The following GPHN variants were observed in gnomAD, a reference collection of about 807,000 sequenced individuals.
GPHN encodes gephyrin.
A neutral mutation model predicts 95.5 loss-of-function variants in GPHN; 17 were observed. The ratio of observed to expected loss-of-function variants is 0.18; its 90% CI spans 0.12 to 0.27. The LOEUF is 0.27. Among genes scored for constraint, GPHN ranks in the 10% least tolerant of loss-of-function variants. The pLI is 1.00. For missense variants in GPHN, 660 were observed against 978.1 expected (o/e 0.67, Z 4.34); for synonymous variants, 320 against 322.5 (o/e 0.99, Z 0.08).
At chr14:66,887,632 A>G (rs1322119680) in intron 5 of GPHN, among the ~76,000 whole-genome samples, 1 of 152,064 alleles carries the variant, frequency 6.6e-6, no homozygotes, top group Admixed American at 6.6e-5. Context: ...CCACCCCCAC[A>G]CATCCCCACC....
chr14:66,752,458 C>T (rs987969693), intron 2 of GPHN, among the ~76,000 whole-genome samples: 2 of 151,884 alleles, frequency 1.3e-5, no homozygotes, highest in African/African-American at 2.4e-5. Flanking sequence ...ATTGGCCTAA[C>T]GATGTTGTTT....
At chr14:67,652,205 C>G in the GPHN span, 2 of 152,240 alleles carry the variant, frequency 1.3e-5, no homozygotes, top group Non-Finnish European at 2.9e-5. Context: ...GCTGTTAGCA[C>G]TCGAGGATTT....
the GPHN span, chr14:67,397,618 G>C: frequency 2.2e-5 from 34 of 1,534,012 alleles, no homozygotes; most frequent in Non-Finnish European, 2.8e-5. Context: ...AGGTGGGAAG[G>C]CTGTGGAACA....
At chr14:67,456,426 C>A in the GPHN span, among the ~76,000 whole-genome samples, 4 of 151,924 alleles carry the variant, frequency 2.6e-5, 1 homozygote, top group South Asian at 8.3e-4. Flanking sequence ...CATGGTGAAA[C>A]CCCGTCTCTA....
the GPHN span, chr14:67,198,960 A>C: frequency 1.4e-6 from 1 of 702,540 alleles, no homozygotes; most frequent in African/African-American, 1.7e-5. Flanking sequence ...TCTAACTCTT[A>C]ATACATTCGA....
intron 9 of GPHN, among the ~76,000 whole-genome samples, chr14:67,006,672 G>A (rs537442131): frequency 1.3e-5 from 2 of 152,176 alleles, no homozygotes; most frequent in Admixed American, 6.5e-5. Context: ...TGTGAACTGA[G>A]GTAAAAATGG....
rs540203330 is a variant in GPHN at position 66,931,286 on chromosome 14, C to T, written c.828+6994C>T. On this transcript the variant is annotated intron_variant, in intron 8 of 22. Coordinates refer to ENST00000478722, the MANE Select transcript of GPHN (RefSeq NM_020806.5). ...GATGCTTTTAGGATCCTTTCTTTAT[C>T]CTTGATCTTTGGGAGCTTGATTATT... Among the ~76,000 whole-genome samples the T allele has an allele frequency of 3.3e-5, 5 of 152,110 alleles. No individual in the cohort carries two copies. The East Asian group carries it at 9.7e-4, about 29-fold the overall frequency.
At chr14:67,419,057 G>A in the GPHN span, among the ~76,000 whole-genome samples, 6 of 152,352 alleles carry the variant, frequency 3.9e-5, 1 homozygote, top group Admixed American at 3.9e-4. Flanking sequence ...CTGGGGTGGA[G>A]CAGGATGTGA....
chr14:67,160,700 C>G (rs2081925326), intron 19 of GPHN, among the ~76,000 whole-genome samples: 1 of 152,036 alleles, frequency 6.6e-6, no homozygotes, highest in Admixed American at 6.5e-5. Context: ...GTCAATGAAC[C>G]CTAGGAGAGA....
At chr14:67,577,116 T>G in the GPHN span, among the ~76,000 whole-genome samples, 1 of 152,224 alleles carries the variant, frequency 6.6e-6, no homozygotes, top group Non-Finnish European at 1.5e-5. Context: ...CATGCTTATA[T>G]GAGGGTGCTC....
intron 2 of GPHN, among the ~76,000 whole-genome samples, chr14:66,767,118 A>G (rs1393028935): frequency 6.6e-6 from 1 of 152,066 alleles, no homozygotes; most frequent in Non-Finnish European, 1.5e-5. Flanking sequence ...GAAAAGATTT[A>G]TTTAAAATAT....
intron 11 of GPHN, among the ~76,000 whole-genome samples, chr14:67,081,705 T>C (rs1239485680): frequency 6.6e-6 from 1 of 152,232 alleles, no homozygotes; most frequent in African/African-American, 2.4e-5. Context: ...TTTCTGATGT[T>C]ATCTTCTAGA....
At chr14:67,023,404 T>G (rs1219689360) in intron 9 of GPHN, among the ~76,000 whole-genome samples, 1 of 152,128 alleles carries the variant, frequency 6.6e-6, no homozygotes. Flanking sequence ...TCTGTGTAAT[T>G]TACAATATTG....
At chr14:67,220,303 C>T in the GPHN span, among the ~76,000 whole-genome samples, 21 of 151,766 alleles carry the variant, frequency 1.4e-4, no homozygotes, top group Middle Eastern at 0.017. Context: ...GTTATCTGGG[C>T]GTGGTAGTGC....
chr14:67,731,880 A>G, the GPHN span, among the ~76,000 whole-genome samples: 1 of 151,926 alleles, frequency 6.6e-6, no homozygotes, highest in South Asian at 2.1e-4. Context: ...TAATCCCAGC[A>G]CTTTGGGAGG....
intron 2 of GPHN, among the ~76,000 whole-genome samples, chr14:66,737,173 A>G (rs991615381): frequency 6.6e-6 from 1 of 152,206 alleles, no homozygotes; most frequent in Non-Finnish European, 1.5e-5. Flanking sequence ...CGTCGTTTCT[A>G]CATATACTTT....
chr14:67,609,501 G>T, the GPHN span, among the ~76,000 whole-genome samples: 1,515 of 152,190 alleles, frequency 1.0e-2, 30 homozygotes, highest in African/African-American at 0.035. Flanking sequence ...ACTGGCCATT[G>T]GTGGCCAACT....
the GPHN span, among the ~76,000 whole-genome samples, chr14:67,407,374 G>A: frequency 2.0e-5 from 3 of 151,754 alleles, no homozygotes; most frequent in East Asian, 5.9e-4. Flanking sequence ...GCCCACCTCG[G>A]CCTCCTAAAA....
rs201402556 is a variant in GPHN at position 67,037,777 on chromosome 14, TA to T, written c.1006+14117del. Among the ~76,000 whole-genome samples the T allele has an allele frequency of 6.2e-3, 822 of 131,854 alleles. 1 individual carries two copies. Among genetic ancestry groups the T allele is most frequent in the East Asian group, 0.015 (68 of 4,660 alleles). The allele number at this position is 131,854 out of a possible 152,430, so 86.5% of individuals were successfully genotyped here. ...CACCTAACACCATTAGGATGACTAC[TA>T]AAAAAAAAAAAAAATAGAAAATAAC... is the stretch of plus-strand genomic sequence containing the variant. On this transcript the variant is annotated intron_variant, in intron 10 of 22. Coordinates refer to ENST00000478722, the MANE Select transcript of GPHN (RefSeq NM_020806.5).
Sources: allele counts gnomAD v4.1 joint callset (sites outside exome capture counted in the v4.1 genomes callset), GRCh38; gene constraint gnomAD v4.1.1; transcripts MANE v1.5; gene names NCBI Gene and HGNC (gene_info 2026-07-23, HGNC 2026-07-21).